Variants in ZMYND8 observed in about 807,000 individuals in gnomAD.
ZMYND8 encodes the protein MYND-type zinc finger-containing chromatin reader ZMYND8.
ZMYND8 carries 37 observed loss-of-function variants against 140.8 expected under a neutral mutation model. The ratio of observed to expected loss-of-function variants is 0.26; its 90% CI spans 0.20 to 0.35. ZMYND8 has a LOEUF of 0.35. ZMYND8 is among the 10% of genes least tolerant of loss of function. The probability of loss-of-function intolerance (pLI) is 1.00; values close to 1 mark genes in which losing one functional copy is unlikely to be tolerated. For missense variants in ZMYND8, 1,068 were observed against 1,570.0 expected (o/e 0.68, Z 5.40); for synonymous variants, 592 against 597.1 (o/e 0.99, Z 0.12).
At chr20:47,313,494 C>A (rs1006278653) in intron 2 of ZMYND8, among the ~76,000 whole-genome samples, 3 of 151,702 alleles carry the variant, frequency 2.0e-5, no homozygotes, top group African/African-American at 7.3e-5. Context: ...TGGTGGCGGG[C>A]GCCTGTAGTC....
intron 2 of ZMYND8, among the ~76,000 whole-genome samples, chr20:47,339,835 CCTT>C (rs767037325): frequency 1.4e-4 from 22 of 152,304 alleles, no homozygotes; most frequent in African/African-American, 5.3e-4. Flanking sequence ...TTAGCCATAA[CCTT>C]CTATCTTTAT....
intron 10 of ZMYND8, among the ~76,000 whole-genome samples, chr20:47,279,643 T>C (rs975768987): frequency 6.6e-6 from 1 of 152,222 alleles, no homozygotes; most frequent in South Asian, 2.1e-4. Flanking sequence ...TATGTGACCC[T>C]AGGCACTCTC....
intron 2 of ZMYND8, among the ~76,000 whole-genome samples, chr20:47,344,071 G>A (rs931456566): frequency 4.1e-5 from 6 of 145,126 alleles, no homozygotes; most frequent in Non-Finnish European, 7.5e-5. Flanking sequence ...CCTCCACCCC[G>A]GGTTCAAGTG....
intron 21 of ZMYND8, among the ~76,000 whole-genome samples, chr20:47,213,655 AAG>A (rs1217239455): frequency 6.6e-6 from 1 of 152,194 alleles, no homozygotes; most frequent in Non-Finnish European, 1.5e-5. Flanking sequence ...GGACTGCCAA[AAG>A]AGGGGTCAAG....
chr20:47,264,627 G>T (rs755355572), intron 11 of ZMYND8, among the ~76,000 whole-genome samples: 1 of 151,918 alleles, frequency 6.6e-6, no homozygotes, highest in Non-Finnish European at 1.5e-5. Context: ...AGAATTAATA[G>T]AATTGGCCTA....
intron 12 of ZMYND8, among the ~76,000 whole-genome samples, chr20:47,258,844 C>A (rs1292746463): frequency 1.3e-5 from 2 of 152,140 alleles, no homozygotes; most frequent in Admixed American, 6.6e-5. Flanking sequence ...CCATCGGTCC[C>A]TAGCTGATCC....
In ZMYND8 at chr20:47,262,313, G is replaced by C; in HGVS notation, c.1596C>G (p.Thr532=). ...ITTKTDKTST[T]GSILNLNLDR... ...CCAGGTTAAGATTCAGGATGCTGCC[G>C]GTGGTGGAGGTTTTGTCCGTTTTCG... is the stretch of plus-strand genomic sequence containing the variant. The change falls in exon 12 of 23, where the codon ACC becomes ACG. Residue 532 remains threonine, a synonymous_variant. Transcript: ENST00000471951. 1.2e-6 allele frequency: 2 copies of C among 1,614,024 alleles called. No homozygotes were observed.
chr20:47,306,853 T>C (rs1236472223), intron 3 of ZMYND8, among the ~76,000 whole-genome samples: 8 of 151,968 alleles, frequency 5.3e-5, no homozygotes, highest in African/African-American at 1.5e-4. Context: ...CAAAAGAACA[T>C]GGACATGGAA....
chr20:47,278,020 C>CAG (rs1479632295), intron 10 of ZMYND8, among the ~76,000 whole-genome samples: 1 of 152,096 alleles, frequency 6.6e-6, no homozygotes, highest in East Asian at 1.9e-4. Context: ...TCACCCAAGC[C>CAG]AGAGAGCAGA....
intron 1 of ZMYND8, chr20:47,356,263 A>T: frequency 9.9e-7 from 1 of 1,007,778 alleles, no homozygotes; most frequent in Non-Finnish European, 1.3e-6. Context: ...AGAGAAGACA[A>T]TAGTGCAGGG....
chr20:47,236,162 C>T (rs757345163), intron 16 of ZMYND8, among the ~76,000 whole-genome samples, 164 bp downstream of exon 16: 46 of 152,134 alleles, frequency 3.0e-4, no homozygotes, highest in Non-Finnish European at 5.0e-4. Context: ...TCTGTTAGAC[C>T]CAAATTAAAG....
At chr20:47,224,700 G>A (rs1384547410) in intron 18 of ZMYND8, 144 bp from the exon 19 acceptor site, 1 of 1,418,556 alleles carries the variant, frequency 7.0e-7, no homozygotes, top group African/African-American at 1.4e-5. Flanking sequence ...CAATAACCTA[G>A]CCCGAGTCTT....
At chr20:47,252,476 C>T (rs1012799893) in intron 12 of ZMYND8, among the ~76,000 whole-genome samples, 1 of 151,750 alleles carries the variant, frequency 6.6e-6, no homozygotes, top group African/African-American at 2.4e-5. Flanking sequence ...CCAGCCTTTT[C>T]AAGAATAAAG....
intron 2 of ZMYND8, among the ~76,000 whole-genome samples, chr20:47,343,358 A>G (rs1434038429): frequency 6.6e-6 from 1 of 152,234 alleles, no homozygotes; most frequent in Non-Finnish European, 1.5e-5. Context: ...AGAGCTCCCA[A>G]CTGCCAAAGC....
In ZMYND8 at chr20:47,315,190, A is replaced by C. The variant is rs145351481; in HGVS notation, c.86-4986T>G. Among the ~76,000 whole-genome samples the C allele has an allele frequency of 3.8e-3, 585 of 152,312 alleles. 5 individuals carry two copies. Among genetic ancestry groups the C allele is most frequent in the African/African-American group, 0.014 (564 of 41,572 alleles). The stretch of plus-strand genomic sequence containing the variant: ...GGGACTATCACCCAAGCCCACCAGG[A>C]AACAAAGGGGGAAACTGAGGTTCTG... On this transcript the variant is annotated intron_variant, in intron 2 of 22. Transcript: ENST00000471951.
At chr20:47,353,772 G>A (rs1233855793) in intron 1 of ZMYND8, 3 of 152,202 alleles carry the variant, frequency 2.0e-5, no homozygotes, top group Non-Finnish European at 4.4e-5. Context: ...ACGTGGCAGA[G>A]AGAACATTCT....
chr20:47,318,918 G>T, intron 2 of ZMYND8: 1 of 1,340,120 alleles, frequency 7.5e-7, no homozygotes, highest in Non-Finnish European at 9.9e-7. Context: ...CAGAACATGC[G>T]AGGGGCAGGG....
At chr20:47,226,436 A>C (rs2037719811) in intron 18 of ZMYND8, among the ~76,000 whole-genome samples, 1 of 152,224 alleles carries the variant, frequency 6.6e-6, no homozygotes. Context: ...CGACAGGCCA[A>C]AACATCTGTC....
intron 19 of ZMYND8, 38 bp from the exon 20 acceptor site, chr20:47,221,512 C>A: frequency 6.2e-7 from 1 of 1,604,498 alleles, no homozygotes; most frequent in East Asian, 2.2e-5. Context: ...CACATATACA[C>A]AGAGTACGAT....
Sources: allele counts gnomAD v4.1 joint callset (sites outside exome capture counted in the v4.1 genomes callset), GRCh38; gene constraint gnomAD v4.1.1; transcripts MANE v1.5; gene names NCBI Gene and HGNC (gene_info 2026-07-23, HGNC 2026-07-21).